GLG1: variants seen among roughly 807,000 people sequenced by gnomAD.
GLG1 encodes the protein Golgi apparatus protein 1.
Under a neutral mutation model 160.5 loss-of-function variants are expected in GLG1, and 38 were observed. The observed-to-expected ratio is 0.24, with a 90% CI of 0.18 to 0.31. GLG1 has a LOEUF of 0.31. GLG1 is among the 10% of genes least tolerant of loss of function. The pLI is 1.00. For synonymous variants in GLG1, 644 were observed against 543.4 expected (o/e 1.19, Z -2.57); for missense variants, 1,373 against 1,505.2 (o/e 0.91, Z 1.45).
intron 12 of GLG1, among the ~76,000 whole-genome samples, chr16:74,477,033 G>A (rs2015409265): frequency 6.6e-6 from 1 of 152,216 alleles, no homozygotes; most frequent in African/African-American, 2.4e-5. Flanking sequence ...GAAAGAGGAT[G>A]TGAAATGGAG....
chr16:74,597,685 C>G (rs545935735), intron 1 of GLG1, among the ~76,000 whole-genome samples: 1 of 151,588 alleles, frequency 6.6e-6, no homozygotes, highest in Non-Finnish European at 1.5e-5. Flanking sequence ...AATCCCATCT[C>G]TACTAAAAAA....
chr16:74,576,595 T>A (rs556817865), intron 1 of GLG1, among the ~76,000 whole-genome samples: 1 of 152,332 alleles, frequency 6.6e-6, no homozygotes, highest in African/African-American at 2.4e-5. Flanking sequence ...CTAAAACAGG[T>A]TGTGGGGCTG....
chr16:74,455,096 G>A (rs1237374674), intron 25 of GLG1, among the ~76,000 whole-genome samples: 1 of 152,018 alleles, frequency 6.6e-6, no homozygotes, highest in Non-Finnish European at 1.5e-5. Flanking sequence ...ATATTTAACC[G>A]CCCTCCACTT....
rs1169800533 is a variant in GLG1 at position 74,498,471 on chromosome 16, ATTT to A, written c.775-1830_775-1828del. The stretch of plus-strand genomic sequence containing the variant: ...AAGTATATATATATATATATATTAT[ATTT>A]TATATATATATTTTATATATAGTGC... On this transcript the variant is annotated intron_variant, in intron 4 of 25. Coordinates refer to ENST00000422840, the MANE Select transcript of GLG1 (RefSeq NM_001145667.2). Among the ~76,000 whole-genome samples, 191 of 32,344 alleles carry A rather than the reference ATTT, an allele frequency of 5.9e-3. 3 individuals are homozygous for A. The highest frequency in any genetic ancestry group is 0.016 in the African/African-American group (180 of 11,346). 21.2% of individuals were successfully genotyped at this position (32,344 alleles called of 152,430 possible). A position where few individuals can be genotyped will look rare whatever the true frequency, so the allele number is the denominator to read the frequency against.
chr16:74,528,353 G>C (rs1254475581), intron 2 of GLG1, among the ~76,000 whole-genome samples: 1 of 151,876 alleles, frequency 6.6e-6, no homozygotes, highest in African/African-American at 2.4e-5. Context: ...TTCCATGTTG[G>C]CATTTTCTCT....
chr16:74,599,104 T>G (rs1213220023), intron 1 of GLG1, among the ~76,000 whole-genome samples: 1 of 152,112 alleles, frequency 6.6e-6, no homozygotes, highest in Non-Finnish European at 1.5e-5. Flanking sequence ...CATCAAGAGA[T>G]TTCTTAAAAA....
chr16:74,528,510 G>A (rs943958928), intron 2 of GLG1, among the ~76,000 whole-genome samples: 1 of 151,836 alleles, frequency 6.6e-6, no homozygotes, highest in African/African-American at 2.4e-5. Flanking sequence ...CGTTTTGGCA[G>A]ATTGTTAATA....
In GLG1 at chr16:74,462,756, T is replaced by C. The variant is rs973355560; in HGVS notation, c.2792-126A>G. On this transcript the variant is annotated intron_variant, in intron 20 of 25. Transcript: ENST00000422840. ...TGACTACAACCATGGATTTATCTAT[T>C]CAATAAACATTTACTGAGCTCTCAC... The C allele has an allele frequency of 3.2e-5, 27 of 853,116 alleles. No individual in the cohort carries two copies. The African/African-American group carries it at 4.4e-4, about 14-fold the overall frequency. 52.8% of individuals were successfully genotyped at this position (853,116 alleles called of 1,614,324 possible).
chr16:74,488,497 C>T (rs1451043356), intron 8 of GLG1, among the ~76,000 whole-genome samples: 1 of 152,118 alleles, frequency 6.6e-6, no homozygotes, highest in African/African-American at 2.4e-5. Flanking sequence ...CATTTTTCTC[C>T]CTTTGGATCA....
At chr16:74,456,173 A>T (rs1487937339) in intron 25 of GLG1, among the ~76,000 whole-genome samples, 1 of 152,188 alleles carries the variant, frequency 6.6e-6, no homozygotes, top group Non-Finnish European at 1.5e-5. Flanking sequence ...TGGGTGTGAC[A>T]TCTCTTTTGT....
chr16:74,457,845 C>T (rs750792894), intron 24 of GLG1, 29 bp downstream of exon 24: 13 of 1,608,804 alleles, frequency 8.1e-6, no homozygotes, highest in Non-Finnish European at 8.5e-7. Flanking sequence ...AGAGTTCAGA[C>T]AGGATCAAGA....
chr16:74,456,079 C>G (rs1457599693), intron 25 of GLG1, among the ~76,000 whole-genome samples: 1 of 152,172 alleles, frequency 6.6e-6, no homozygotes, highest in East Asian at 1.9e-4. Context: ...GTACTGGCCT[C>G]AAATATGTAT....
At chr16:74,458,155 T>C in intron 23 of GLG1, 161 bp from the exon 24 acceptor site, 1 of 590,002 alleles carries the variant, frequency 1.7e-6, no homozygotes, top group South Asian at 2.5e-5. Flanking sequence ...ATGTACAGAA[T>C]GCAGAATTTA....
At chr16:74,521,125 C>T (rs1046426029) in intron 2 of GLG1, among the ~76,000 whole-genome samples, 19 of 152,056 alleles carry the variant, frequency 1.2e-4, no homozygotes, top group Admixed American at 5.2e-4. Flanking sequence ...GCAAAAGTCC[C>T]GAGTCAGGAA....
intron 13 of GLG1, among the ~76,000 whole-genome samples, chr16:74,473,372 C>A (rs1053885436): frequency 4.6e-5 from 7 of 151,916 alleles, no homozygotes; most frequent in African/African-American, 1.7e-4. Flanking sequence ...TTTTACCACG[C>A]CCAGCTAATT....
chr16:74,479,886 T>G (rs4888245), intron 11 of GLG1, among the ~76,000 whole-genome samples: 19,377 of 152,138 alleles, frequency 0.13, 1,691 homozygotes, highest in Admixed American at 0.24. Flanking sequence ...AGGAGAAGCC[T>G]AAAATCCATT....
intron 12 of GLG1, among the ~76,000 whole-genome samples, chr16:74,475,909 C>G (rs1324235560): frequency 6.6e-6 from 1 of 152,116 alleles, no homozygotes; most frequent in African/African-American, 2.4e-5. Context: ...TGGCTGGTCT[C>G]AGTGGCTCAC....
chr16:74,577,164 G>T (rs1268477089), intron 1 of GLG1, among the ~76,000 whole-genome samples: 6 of 152,106 alleles, frequency 3.9e-5, no homozygotes, highest in Non-Finnish European at 7.4e-5. Context: ...GGGCTCAAGA[G>T]ATCCTCCCAC....
At chr16:74,542,373 G>T (rs1389812354) in intron 1 of GLG1, among the ~76,000 whole-genome samples, 1 of 152,042 alleles carries the variant, frequency 6.6e-6, no homozygotes. Context: ...ATGCAAAGAA[G>T]AAAACTAGAC....
Sources: gnomAD v4.1 joint callset for allele counts (sites outside exome capture counted in the v4.1 genomes callset) on GRCh38, gnomAD v4.1.1 for gene constraint, MANE v1.5 for transcripts, NCBI Gene and HGNC (gene_info 2026-07-23, HGNC 2026-07-21) for gene names.